The following KCNT2 variants were observed in gnomAD, a reference collection of about 807,000 sequenced individuals.
KCNT2 encodes potassium sodium-activated channel subfamily T member 2.
Under a neutral mutation model 153.8 loss-of-function variants are expected in KCNT2, and 67 were observed. The observed-to-expected ratio is 0.44, with a 90% CI of 0.36 to 0.53. The LOEUF (loss-of-function observed/expected upper bound fraction) is 0.53, where lower values mean the gene tolerates loss of function less well. Ranked by LOEUF, KCNT2 falls within the 20% of genes least tolerant of loss-of-function variation. The pLI, the probability that KCNT2 is intolerant of heterozygous loss-of-function variation, is 0.00. For missense variants in KCNT2, 975 were observed against 1,354.8 expected, an observed-to-expected ratio of 0.72 and a Z score of 4.40; for synonymous variants, 500 against 458.8, an observed-to-expected ratio of 1.09 and a Z score of -1.15.
chr1:196,362,566 C>T (rs1667723236), intron 14 of KCNT2, among the ~76,000 whole-genome samples: 1 of 152,032 alleles, frequency 6.6e-6, no homozygotes, highest in African/African-American at 2.4e-5. Flanking sequence ...CATTGCTTTA[C>T]CTGACATTTG....
intron 2 of KCNT2, among the ~76,000 whole-genome samples, chr1:196,490,388 AATTAT>A (rs1173692304): frequency 2.7e-5 from 4 of 150,028 alleles, no homozygotes; most frequent in African/African-American, 9.7e-5. Context: ...TAAAGAAATT[AATTAT>A]ATTTGTATAG....
At chr1:196,597,367 C>T (rs1024325469) in intron 1 of KCNT2, among the ~76,000 whole-genome samples, 13 of 150,548 alleles carry the variant, frequency 8.6e-5, no homozygotes, top group Non-Finnish European at 8.8e-5. Context: ...TGTAACCTCA[C>T]GTACTTTTTT....
At chr1:196,445,569 A>T (rs150952448) in intron 8 of KCNT2, among the ~76,000 whole-genome samples, 116 of 151,582 alleles carry the variant, frequency 7.7e-4, no homozygotes, top group African/African-American at 2.8e-3. Flanking sequence ...TTTGAATTCA[A>T]TTCTTAAAGT....
intron 3 of KCNT2, among the ~76,000 whole-genome samples, chr1:196,486,116 T>A (rs544766240): frequency 1.3e-5 from 2 of 152,068 alleles, no homozygotes; most frequent in Non-Finnish European, 2.9e-5. Flanking sequence ...TTACTTTAGG[T>A]CATACCAGTA....
chr1:196,298,801 C>G (rs1222736716), intron 22 of KCNT2, among the ~76,000 whole-genome samples: 3 of 146,348 alleles, frequency 2.0e-5, no homozygotes, highest in African/African-American at 7.7e-5. Flanking sequence ...ACCATAGCAT[C>G]TAGTATGGTT....
At chr1:196,525,065 A>C (rs1004542531) in intron 1 of KCNT2, among the ~76,000 whole-genome samples, 9 of 152,188 alleles carry the variant, frequency 5.9e-5, no homozygotes, top group Non-Finnish European at 1.0e-4. Flanking sequence ...TTCTAGCTCA[A>C]GCATCAGATT....
At chr1:196,461,909 T>C (rs75517405) in intron 8 of KCNT2, among the ~76,000 whole-genome samples, 1 of 151,708 alleles carries the variant, frequency 6.6e-6, no homozygotes, top group African/African-American at 2.4e-5. Flanking sequence ...AGGGAAAATC[T>C]TTTTAAAAAA....
chr1:196,591,521 T>C (rs576788011), intron 1 of KCNT2, among the ~76,000 whole-genome samples: 13 of 152,246 alleles, frequency 8.5e-5, no homozygotes, highest in Admixed American at 7.2e-4. Flanking sequence ...TAAAAGAAGT[T>C]TTGCATTCTG....
chr1:196,247,446 C>T (rs978672353), intron 26 of KCNT2, among the ~76,000 whole-genome samples: 2 of 152,078 alleles, frequency 1.3e-5, no homozygotes, highest in Non-Finnish European at 2.9e-5. Context: ...AAGATATTGG[C>T]AAAACATTTT....
intron 3 of KCNT2, among the ~76,000 whole-genome samples, chr1:196,483,186 T>C (rs1679148982): frequency 6.6e-6 from 1 of 152,200 alleles, no homozygotes; most frequent in East Asian, 1.9e-4. Context: ...TTTATTTGGC[T>C]ACTCAAAACT....
intron 1 of KCNT2, among the ~76,000 whole-genome samples, chr1:196,579,420 C>T (rs1051192340): frequency 4.6e-5 from 7 of 151,862 alleles, no homozygotes; most frequent in Non-Finnish European, 1.0e-4. Context: ...TGGCAAACTC[C>T]CATGACACAA....
At chr1:196,377,010 T>C (rs1331423927) in intron 13 of KCNT2, among the ~76,000 whole-genome samples, 1 of 151,890 alleles carries the variant, frequency 6.6e-6, no homozygotes, top group Middle Eastern at 3.2e-3. Flanking sequence ...GGTCAAAAGA[T>C]AGTTGAAGTT....
intron 1 of KCNT2, among the ~76,000 whole-genome samples, chr1:196,551,582 A>G (rs1278625713): frequency 2.0e-5 from 3 of 151,758 alleles, no homozygotes; most frequent in Non-Finnish European, 4.4e-5. Context: ...TATTCCTTAG[A>G]GAGACATCTT....
intron 13 of KCNT2, among the ~76,000 whole-genome samples, chr1:196,388,448 T>C (rs980177763): frequency 6.6e-6 from 1 of 151,696 alleles, no homozygotes; most frequent in African/African-American, 2.4e-5. Context: ...CAGCTATAAT[T>C]TCAGTTGAAA....
intron 10 of KCNT2, among the ~76,000 whole-genome samples, chr1:196,427,508 G>A (rs1673757959): frequency 1.3e-5 from 2 of 152,060 alleles, no homozygotes; most frequent in South Asian, 2.1e-4. Flanking sequence ...GTAGCAGAAA[G>A]TGGAAATATT....
intron 1 of KCNT2, among the ~76,000 whole-genome samples, chr1:196,506,274 G>C (rs1259968661): frequency 2.6e-5 from 4 of 152,024 alleles, no homozygotes; most frequent in African/African-American, 9.7e-5. Flanking sequence ...TAAAAACATA[G>C]CATATATGTA....
chr1:196,265,500 T>A (rs184618927), intron 25 of KCNT2, among the ~76,000 whole-genome samples: 4 of 152,262 alleles, frequency 2.6e-5, no homozygotes, highest in African/African-American at 9.6e-5. Flanking sequence ...CAGTAAGAAA[T>A]GTGGCTGACA....
chr1:196,455,459 G>A (rs534881124), intron 8 of KCNT2, among the ~76,000 whole-genome samples: 2 of 152,060 alleles, frequency 1.3e-5, no homozygotes, highest in South Asian at 4.2e-4. Flanking sequence ...TGCTGAGATG[G>A]TGGTTTTTTT....
intron 1 of KCNT2, among the ~76,000 whole-genome samples, chr1:196,580,340 G>C (rs1267942829): frequency 1.3e-5 from 2 of 152,118 alleles, no homozygotes; most frequent in African/African-American, 4.8e-5. Flanking sequence ...CAGTGGGAGG[G>C]GAGGGAGTTC....
Sources: gnomAD v4.1 joint callset for allele counts (sites outside exome capture counted in the v4.1 genomes callset) on GRCh38, gnomAD v4.1.1 for gene constraint, MANE v1.5 for transcripts, NCBI Gene and HGNC (gene_info 2026-07-23, HGNC 2026-07-21) for gene names.